Variants in ITPRID2 observed in about 807,000 individuals in gnomAD.
The protein encoded by ITPRID2 is protein ITPRID2.
A neutral mutation model predicts 124.3 loss-of-function variants in ITPRID2; 60 were observed. The ratio of observed to expected loss-of-function variants is 0.48; its 90% CI spans 0.39 to 0.60. ITPRID2 has a LOEUF of 0.60. ITPRID2 is among the 20% of genes least tolerant of loss of function. ITPRID2 has a pLI of 0.00. For missense variants in ITPRID2, 1,553 were observed against 1,512.2 expected, an observed-to-expected ratio of 1.03 and a Z score of -0.45; for synonymous variants, 521 against 542.9, an observed-to-expected ratio of 0.96 and a Z score of 0.56.
In ITPRID2 at chr2:181,892,267, G is replaced by T. The variant is rs1175303656; in HGVS notation, c.201G>T (p.Ala67=). 9 of 1,547,370 alleles carry T rather than the reference G, an allele frequency of 5.8e-6. No homozygotes were observed. The highest frequency in any genetic ancestry group is 1.2e-5 in the South Asian group (1 of 83,950). The part of the protein sequence containing the change: ...EDLPGAQLPA[A]GGRGNVPNEK... Reference sequence around the variant, plus strand: ...TCCCCGGCGCGCAGCTGCCGGCAGCGGGGGGAAGAGGTCGGTGCTCCCGGC... The same window carrying T: ...TCCCCGGCGCGCAGCTGCCGGCAGCTGGGGGAAGAGGTCGGTGCTCCCGGC... Residue 67 remains alanine (A), a synonymous_variant, in exon 1 of 18, where the codon GCG becomes GCT. Transcript: ENST00000431877. The surrounding 1 kb of genome is among the most constrained non-coding windows in gnomAD (Gnocchi z 5.2).
intron 8 of ITPRID2, among the ~76,000 whole-genome samples, chr2:181,909,126 C>G (rs1436544950): frequency 6.6e-6 from 1 of 152,090 alleles, no homozygotes; most frequent in African/African-American, 2.4e-5. Context: ...AAAAAGACAA[C>G]TAAGTTTGAT....
At position 181,908,908 on chromosome 2, in the gene ITPRID2, T is replaced by G. The variant is rs187919517; in HGVS notation, c.1414-991T>G. 1.4e-4 allele frequency among the ~76,000 whole-genome samples: 22 copies of G among 152,218 alleles called. No homozygotes were observed. In the East Asian group the frequency reaches 4.1e-3, roughly 28 times the overall value. On this transcript the variant is annotated intron_variant, in intron 8 of 17. Transcript: ENST00000431877. ...ATATGTTCAGCTAGGTACCACACTT[T>G]ACTAGGATGTTCTTTATGATTTAAG...
At position 181,915,551 on chromosome 2, in the gene ITPRID2, G is replaced by A; in HGVS notation, c.1911G>A (p.Leu637=). 3 of 1,614,226 alleles carry A rather than the reference G, an allele frequency of 1.9e-6. No homozygotes were observed. The highest frequency in any genetic ancestry group is 1.7e-6 in the Non-Finnish European group (2 of 1,180,048). ...DLFPAETVEL[L]REASAESDVG... is the part of the protein sequence containing the mutation. ...TTCCAGCAGAGACAGTAGAGCTACT[G>A]AGGGAAGCAAGTGCTGAAAGTGATG... Residue 637 remains leucine, a synonymous_variant, in exon 11 of 18, where the codon CTG becomes CTA. Transcript: ENST00000431877.
In ITPRID2 at chr2:181,920,678, C is replaced by G; in HGVS notation, c.3210+16C>G. 1 of 1,596,394 alleles carries G rather than the reference C, an allele frequency of 6.3e-7. No homozygotes were observed. Among genetic ancestry groups the G allele is most frequent in the Non-Finnish European group, 8.6e-7 (1 of 1,164,450 alleles). ...AATGGAACCAGTAAGCTTCTTTCCT[C>G]TTAAATCACTGGGGAAGGGAATGAT... On this transcript the variant is annotated intron_variant, in intron 15 of 17. Coordinates refer to ENST00000431877, the MANE Select transcript of ITPRID2 (RefSeq NM_001130445.3).
intron 14 of ITPRID2, 36 bp from the exon 15 acceptor site, chr2:181,920,561 C>T (rs769239814): frequency 4.2e-6 from 6 of 1,439,862 alleles, no homozygotes; most frequent in Non-Finnish European, 5.8e-6. Context: ...TATATACACA[C>T]ACATATACAT....
chr2:181,923,488 T>C (rs13407143), intron 16 of ITPRID2, among the ~76,000 whole-genome samples: 3,387 of 152,334 alleles, frequency 0.022, 128 homozygotes, highest in African/African-American at 0.077. Context: ...AATGTAATTA[T>C]TTTTGTAAAT....
rs140608998 is a variant in ITPRID2, at chr2:181,930,692, C to A, written c.*1145C>A. 341 of 152,500 alleles carry A rather than the reference C, an allele frequency of 2.2e-3. 3 individuals carry two copies. The highest frequency in any genetic ancestry group is 7.7e-3 in the African/African-American group (320 of 41,520). The allele number at this position is 152,500 out of a possible 1,614,324, so 9.4% of individuals were successfully genotyped here. On this transcript the variant is annotated 3_prime_UTR_variant, in exon 18 of 18. Transcript: ENST00000431877. ...TGAAATATCACACAAAGGCTGATTT[C>A]TAAAATATATATATATTAAAACAAT...
intron 2 of ITPRID2, among the ~76,000 whole-genome samples, chr2:181,895,425 T>G (rs1692112670): frequency 6.6e-6 from 1 of 152,084 alleles, no homozygotes; most frequent in Non-Finnish European, 1.5e-5. Context: ...CAAAGTTAAA[T>G]GAAGAATATA....
rs766624807 is a variant in ITPRID2, at chr2:181,916,314, A to G, written c.2674A>G (p.Arg892Gly). The change falls in exon 11 of 18, where the codon AGA (arginine) becomes GGA (glycine). Residue 892 changes from arginine (R) to glycine (G), a missense_variant. By Grantham distance (125) the Arg-to-Gly change is moderately radical. Transcript: ENST00000431877. Reference protein sequence around the residue: ...ASPFGCPYSHRHATYPYRVCS... With the variant: ...ASPFGCPYSHGHATYPYRVCS... ...CCCTTTCGGGTGTCCTTACTCACAT[A>G]GACATGCCACCTACCCTTACCGAGT... is the stretch of plus-strand genomic sequence containing the variant. The G allele has an allele frequency of 6.2e-7, 1 of 1,614,204 alleles. No homozygotes were observed. Among genetic ancestry groups the G allele is most frequent in the Admixed American group, 1.7e-5 (1 of 60,020 alleles).
rs766724329 is a variant in ITPRID2 at position 181,929,616 on chromosome 2, G to A, written c.*69G>A. 3.7e-6 allele frequency: 6 copies of A among 1,612,908 alleles called. No homozygotes were observed. The highest frequency in any genetic ancestry group is 5.1e-6 in the Non-Finnish European group (6 of 1,179,414). ...CTGGAATTATCAATGATATGCACTG[G>A]TGGAGGTGTTATTTGTGCTTTAGAA... On this transcript the variant is annotated 3_prime_UTR_variant, in exon 18 of 18. Coordinates refer to ENST00000431877, the MANE Select transcript of ITPRID2 (RefSeq NM_001130445.3).
chr2:181,914,015 T>C lies in ITPRID2; in HGVS notation c.1575+82T>C. ...TTTGTATTACTATATATTTTAATATTGAGTCTGTATAATCTTTATTTTTCA... is the reference window on the plus strand; with the variant it reads ...TTTGTATTACTATATATTTTAATATCGAGTCTGTATAATCTTTATTTTTCA... On this transcript the variant is annotated intron_variant, in intron 10 of 17. Transcript: ENST00000431877. 3.6e-6 allele frequency: 3 copies of C among 844,714 alleles called. No individual in the cohort carries two copies. In the South Asian group the frequency reaches 5.0e-5, roughly 14 times the overall value. 52.3% of individuals were successfully genotyped at this position (844,714 alleles called of 1,614,324 possible). A position where few individuals can be genotyped will look rare whatever the true frequency, so the allele number is the denominator to read the frequency against.
intron 8 of ITPRID2, among the ~76,000 whole-genome samples, chr2:181,908,423 C>T (rs1693325807): frequency 6.6e-6 from 1 of 152,100 alleles, no homozygotes; most frequent in Admixed American, 6.6e-5. Context: ...TAGACCGAGC[C>T]TGAATAGAAG....
intron 16 of ITPRID2, among the ~76,000 whole-genome samples, chr2:181,924,057 A>T (rs1694679290): frequency 6.6e-6 from 1 of 152,204 alleles, no homozygotes; most frequent in South Asian, 2.1e-4. Flanking sequence ...ATTTTTCAGA[A>T]TTTGTTATTT....
Position 181,915,253 on chromosome 2 carries a change from A to G in ITPRID2, c.1613A>G (p.Asp538Gly). Residue 538 changes from aspartate (D) to glycine (G), a missense_variant, in exon 11 of 18, where the codon GAT (aspartate) becomes GGT (glycine). Asp to Gly is a moderately conservative substitution (Grantham distance 94, BLOSUM62 -1). Coordinates refer to ENST00000431877, the MANE Select transcript of ITPRID2 (RefSeq NM_001130445.3). ...ESLQAMGSSA[D>G]SCDSETTVTS... The stretch of plus-strand genomic sequence containing the variant: ...TTGCAGGCTATGGGGAGTAGTGCTG[A>G]TAGTTGTGACAGTGAGACAACAGTT... The G allele has an allele frequency of 2.5e-6, 4 of 1,614,170 alleles. No individual in the cohort carries two copies. The highest frequency in any genetic ancestry group is 3.4e-6 in the Non-Finnish European group (4 of 1,180,024).
Position 181,892,874 on chromosome 2 carries a change from G to C in ITPRID2, c.257+214G>C, listed in dbSNP as rs1691877811. 5 of 603,576 alleles carry C rather than the reference G, an allele frequency of 8.3e-6. No homozygotes were observed. The highest frequency in any genetic ancestry group is 1.5e-5 in the Non-Finnish European group (5 of 338,850). The allele number at this position is 603,576 out of a possible 1,614,324, so 37.4% of individuals were successfully genotyped here. ...GGTGACCGTGTTGACTTTACAGTTA[G>C]GACTTGAGCTACTCACGCATCGTGT... On this transcript the variant is annotated intron_variant, in intron 2 of 17. Transcript: ENST00000431877. This position sits in a 1 kb window ranked among gnomAD's most constrained non-coding sequence, Gnocchi z 5.2.
At chr2:181,922,502 T>G in intron 16 of ITPRID2, 90 bp downstream of exon 16, 1 of 1,203,902 alleles carries the variant, frequency 8.3e-7, no homozygotes, top group South Asian at 1.6e-5. Flanking sequence ...GAATGTTCTT[T>G]TGATTCACTG....
chr2:181,929,545 T>C lies in ITPRID2; in HGVS notation c.*14-16T>C, dbSNP rs1300317120. 6.3e-7 allele frequency: 1 copy of C among 1,589,754 alleles called. No homozygotes were observed. Among genetic ancestry groups the C allele is most frequent in the East Asian group, 2.2e-5 (1 of 44,624 alleles). On this transcript the variant is annotated splice_polypyrimidine_tract_variant and intron_variant, in intron 17 of 17. Transcript: ENST00000431877. The stretch of plus-strand genomic sequence containing the variant: ...TTGAAAGAGGTTTAAAACTGACTTC[T>C]CTTTTCTTTTTTAAGGTTGGCATGG...
In ITPRID2 at chr2:181,909,976, G is replaced by A. The variant is rs1451760496; in HGVS notation, c.1486+5G>A. The A allele has an allele frequency of 6.2e-7, 1 of 1,609,456 alleles. No homozygotes were observed. Among genetic ancestry groups the A allele is most frequent in the Non-Finnish European group, 8.5e-7 (1 of 1,176,344 alleles). ...GTCTTACGAAGTCGAAAAGAGGTAA[G>A]TGGACCAGTATCCACTAGTTCTGAG... On this transcript the variant is annotated splice_donor_5th_base_variant and intron_variant, in intron 9 of 17. Coordinates refer to ENST00000431877, the MANE Select transcript of ITPRID2 (RefSeq NM_001130445.3).
intron 11 of ITPRID2, chr2:181,916,928 G>A (rs1197228644): frequency 5.0e-6 from 5 of 992,808 alleles, no homozygotes; most frequent in African/African-American, 1.7e-5. Flanking sequence ...ACTGACCCTC[G>A]ATGCTGTGCA....
Sources: allele counts gnomAD v4.1 joint callset (sites outside exome capture counted in the v4.1 genomes callset), GRCh38; gene constraint gnomAD v4.1.1; non-coding constraint Gnocchi (gnomAD v3.1); transcripts MANE v1.5; gene names NCBI Gene and HGNC (gene_info 2026-07-23, HGNC 2026-07-21).